GRM5: variants seen among roughly 807,000 people sequenced by gnomAD.
GRM5 encodes the protein glutamate metabotropic receptor 5, also known as metabotropic glutamate receptor 5.
GRM5 carries 19 observed loss-of-function variants against 83.1 expected under a neutral mutation model. The ratio of observed to expected loss-of-function variants is 0.23; its 90% CI spans 0.16 to 0.34. The LOEUF (loss-of-function observed/expected upper bound fraction) is 0.34. GRM5 is among the 10% of genes least tolerant of loss of function. GRM5 has a pLI of 1.00. For missense variants in GRM5, 1,160 were observed against 1,588.3 expected (o/e 0.73, Z 4.58); for synonymous variants, 675 against 633.6 (o/e 1.07, Z -0.98).
At chr11:88,866,913 T>C (rs1008303448) in intron 2 of GRM5, among the ~76,000 whole-genome samples, 2 of 152,144 alleles carry the variant, frequency 1.3e-5, no homozygotes, top group African/African-American at 4.8e-5. Context: ...CAGTTTTAGT[T>C]TTCTGCATAA....
intron 4 of GRM5, among the ~76,000 whole-genome samples, chr11:88,624,325 A>G (rs1172942558): frequency 6.6e-6 from 1 of 152,232 alleles, no homozygotes; most frequent in African/African-American, 2.4e-5. Context: ...TGAATCTAGT[A>G]ATTCTGTGTA....
intron 4 of GRM5, among the ~76,000 whole-genome samples, chr11:88,638,172 G>A: frequency 9.0e-6 from 1 of 110,558 alleles, no homozygotes; most frequent in African/African-American, 3.4e-5. Flanking sequence ...GGGGGAGGGG[G>A]GAGGGATAGC....
intron 3 of GRM5, among the ~76,000 whole-genome samples, chr11:88,789,936 C>T (rs12286782): frequency 0.031 from 4,704 of 152,164 alleles, 215 homozygotes; most frequent in African/African-American, 0.095. Context: ...CTCACTGCAA[C>T]CTCTGCCTCC....
chr11:88,638,402 T>G (rs552733709), intron 4 of GRM5, among the ~76,000 whole-genome samples: 27 of 151,650 alleles, frequency 1.8e-4, no homozygotes, highest in African/African-American at 6.5e-4. Context: ...ATGAGGTATA[T>G]TGGGGTATAA....
intron 2 of GRM5, among the ~76,000 whole-genome samples, chr11:88,872,293 T>C (rs1944782756): frequency 6.6e-6 from 1 of 151,630 alleles, no homozygotes; most frequent in African/African-American, 2.4e-5. Context: ...TGTAATAAGA[T>C]AAATTCAATC....
chr11:88,602,071 A>ATTT lies in GRM5; in HGVS notation c.1394+2644_1394+2646dup, dbSNP rs58865828. ...ATTGTGAAATCTTTAGAGCTCTGAA[A>ATTT]TTTTTTTTTCTTTTTTTTGTAACTC... is the stretch of plus-strand genomic sequence containing the variant. On this transcript the variant is annotated intron_variant, in intron 5 of 9. Transcript: ENST00000305447. Among the ~76,000 whole-genome samples, 176 of 151,370 alleles carry ATTT rather than the reference A, an allele frequency of 1.2e-3. 1 individual carries two copies. In the Middle Eastern group the frequency reaches 0.014, roughly 12 times the overall value.
At chr11:89,019,649 G>A (rs970276863) in intron 2 of GRM5, among the ~76,000 whole-genome samples, 1 of 152,066 alleles carries the variant, frequency 6.6e-6, no homozygotes, top group African/African-American at 2.4e-5. Flanking sequence ...AGACTGCAAT[G>A]AGCCGAGAAT....
chr11:88,967,586 C>A (rs368397241), intron 2 of GRM5, among the ~76,000 whole-genome samples: 30 of 152,026 alleles, frequency 2.0e-4, no homozygotes, highest in African/African-American at 6.7e-4. Flanking sequence ...CCTGCAATAA[C>A]GGCATTAATC....
At chr11:88,668,890 A>G (rs950133729) in intron 3 of GRM5, among the ~76,000 whole-genome samples, 4 of 152,156 alleles carry the variant, frequency 2.6e-5, no homozygotes, top group Admixed American at 2.0e-4. Flanking sequence ...AAGTTGAATC[A>G]TGAAGTATTT....
At chr11:89,050,800 T>C (rs1384947068) in intron 1 of GRM5, among the ~76,000 whole-genome samples, 3 of 152,198 alleles carry the variant, frequency 2.0e-5, no homozygotes, top group East Asian at 3.8e-4. Context: ...TCATGTTTTC[T>C]GCATGGACAT....
chr11:88,860,215 T>G (rs1275865989), intron 2 of GRM5, among the ~76,000 whole-genome samples: 1 of 152,168 alleles, frequency 6.6e-6, no homozygotes, highest in Admixed American at 6.6e-5. Context: ...CTTCCTCATT[T>G]TTTTCCTCTG....
intron 3 of GRM5, among the ~76,000 whole-genome samples, chr11:88,708,803 T>C (rs926339731): frequency 6.6e-6 from 1 of 152,104 alleles, no homozygotes; most frequent in Non-Finnish European, 1.5e-5. Context: ...ATCTGAATAC[T>C]CTAGAGATAC....
chr11:88,999,423 T>C (rs4517513), intron 2 of GRM5, among the ~76,000 whole-genome samples: 80,197 of 151,196 alleles, frequency 0.53, 21,318 homozygotes, highest in South Asian at 0.66. Context: ...AAAAAGTGGG[T>C]GAAGGATATG....
chr11:88,924,969 T>C (rs1007207490), intron 2 of GRM5, among the ~76,000 whole-genome samples: 67 of 151,992 alleles, frequency 4.4e-4, no homozygotes, highest in African/African-American at 1.5e-3. Flanking sequence ...AAAAATCATT[T>C]TGGGGGAGGG....
chr11:88,777,032 G>A (rs926768649), intron 3 of GRM5, among the ~76,000 whole-genome samples: 3 of 152,300 alleles, frequency 2.0e-5, no homozygotes, highest in Admixed American at 6.5e-5. Context: ...CCTGAAGAGT[G>A]TTTTCCAACT....
chr11:88,668,808 C>A lies in GRM5; in HGVS notation c.912-15405G>T, dbSNP rs138437814. Among the ~76,000 whole-genome samples the A allele has an allele frequency of 5.9e-3, 905 of 152,206 alleles. 12 individuals carry two copies. The highest frequency in any genetic ancestry group is 0.021 in the African/African-American group (867 of 41,554). ...TTTCTTGAATAGCAGCTCCCCATTT[C>A]CTTCATCCCCCCAACCCCTGGCAAC... On this transcript the variant is annotated intron_variant, in intron 3 of 9. Transcript: ENST00000305447.
At chr11:88,800,588 A>C (rs1943370562) in intron 3 of GRM5, among the ~76,000 whole-genome samples, 2 of 152,154 alleles carry the variant, frequency 1.3e-5, no homozygotes, top group African/African-American at 4.8e-5. Flanking sequence ...ATATTTCATA[A>C]ATGAATGATT....
At chr11:88,718,263 G>T (rs1335989014) in intron 3 of GRM5, among the ~76,000 whole-genome samples, 3 of 151,870 alleles carry the variant, frequency 2.0e-5, no homozygotes, top group African/African-American at 4.8e-5. Context: ...GAGAGCAAAG[G>T]TCATATCATC....
intron 2 of GRM5, among the ~76,000 whole-genome samples, chr11:89,000,908 A>G (rs1321609836): frequency 6.6e-6 from 1 of 152,084 alleles, no homozygotes; most frequent in African/African-American, 2.4e-5. Flanking sequence ...CAGACATTTC[A>G]CTGAAGGGAA....
Sources: gnomAD v4.1 joint callset for allele counts (sites outside exome capture counted in the v4.1 genomes callset) on GRCh38, gnomAD v4.1.1 for gene constraint, MANE v1.5 for transcripts, NCBI Gene and HGNC (gene_info 2026-07-23, HGNC 2026-07-21) for gene names.